The following ARHGEF3 variants were observed in gnomAD, a reference collection of about 807,000 sequenced individuals.
ARHGEF3 encodes the protein Rho guanine nucleotide exchange factor 3.
ARHGEF3 carries 28 observed loss-of-function variants against 63.2 expected under a neutral mutation model. That is an observed-to-expected ratio of 0.44 (90% confidence interval 0.33 to 0.61). The LOEUF (loss-of-function observed/expected upper bound fraction) is 0.61. Ranked by LOEUF, ARHGEF3 falls within the 20% of genes least tolerant of loss-of-function variation. The pLI is 0.03. For missense variants in ARHGEF3, 533 were observed against 659.3 expected (o/e 0.81, Z 2.10); for synonymous variants, 266 against 254.2 (o/e 1.05, Z -0.44).
At chr3:57,036,294 CA>C (rs1190373683) in intron 1 of ARHGEF3, among the ~76,000 whole-genome samples, 1 of 152,112 alleles carries the variant, frequency 6.6e-6, no homozygotes, top group Non-Finnish European at 1.5e-5. Flanking sequence ...TTTCATGTCA[CA>C]AAATGACCAC....
intron 3 of ARHGEF3, among the ~76,000 whole-genome samples, chr3:56,895,715 G>A (rs1168108364): frequency 2.0e-5 from 3 of 151,958 alleles, no homozygotes; most frequent in South Asian, 2.1e-4. Context: ...CACCTGCCTC[G>A]GCCTCCCAAA....
chr3:56,932,735 C>T (rs2081761032), intron 3 of ARHGEF3, among the ~76,000 whole-genome samples: 1 of 152,096 alleles, frequency 6.6e-6, no homozygotes, highest in Admixed American at 6.5e-5. Flanking sequence ...GAAAGATGAC[C>T]AAGTAACACT....
intron 4 of ARHGEF3, among the ~76,000 whole-genome samples, chr3:56,832,300 C>T (rs1445420847): frequency 6.6e-6 from 1 of 152,204 alleles, no homozygotes; most frequent in African/African-American, 2.4e-5. Flanking sequence ...AACAACTCAA[C>T]ATTTTGTTAA....
In ARHGEF3 at chr3:57,057,790, C is replaced by T. The variant is rs144473145; in HGVS notation, c.-28+21436G>A. Among the ~76,000 whole-genome samples, 29 of 152,248 alleles carry T rather than the reference C, an allele frequency of 1.9e-4. No homozygotes were observed. The East Asian group carries it at 5.6e-3, about 29-fold the overall frequency. ...ACTCCAGCCATCGTATCACTTGATA[C>T]ATACTTGAGTGATATAGAGTAAGTG... On this transcript the variant is annotated intron_variant, in intron 1 of 12. Coordinates refer to the ARHGEF3 transcript ENST00000338458.
chr3:56,985,522 C>T (rs753426596), intron 2 of ARHGEF3, among the ~76,000 whole-genome samples: 5 of 152,232 alleles, frequency 3.3e-5, no homozygotes, highest in South Asian at 4.1e-4. Context: ...ATTCATTCGC[C>T]GCCTCCACCC....
At position 56,728,198 on chromosome 3, in the gene ARHGEF3, C is replaced by T. The variant is rs1195381966; in HGVS notation, c.*1072G>A. The T allele has an allele frequency of 6.6e-6, 1 of 152,616 alleles. No homozygotes were observed. The highest frequency in any genetic ancestry group is 1.5e-5 in the Non-Finnish European group (1 of 68,044). The allele number at this position is 152,616 out of a possible 1,614,324, so 9.5% of individuals were successfully genotyped here. On this transcript the variant is annotated 3_prime_UTR_variant, in exon 10 of 10. Coordinates refer to ENST00000296315, the MANE Select transcript of ARHGEF3 (RefSeq NM_019555.3). ...CATAATTACAATTCTGATTATAGCA[C>T]AGAACCAGAGATGGCAAATTGACGA...
chr3:57,035,307 C>T, intron 1 of ARHGEF3: 1 of 475,090 alleles, frequency 2.1e-6, no homozygotes, highest in Non-Finnish European at 3.6e-6. Context: ...TCCAATATTT[C>T]CTTCTTCCAT....
chr3:56,997,434 A>T (rs968361894), intron 2 of ARHGEF3, among the ~76,000 whole-genome samples: 1 of 152,096 alleles, frequency 6.6e-6, no homozygotes, highest in Non-Finnish European at 1.5e-5. Context: ...AGGGGCTGGT[A>T]TCAAGAGGAA....
rs144210605 is a variant in ARHGEF3, at chr3:56,941,684, T to C, written c.129+17139A>G. On this transcript the variant is annotated intron_variant, in intron 3 of 12. Coordinates refer to the ARHGEF3 transcript ENST00000338458. ...CACACTCTCTTTAAAAAATTCAGAC[T>C]TTATAAAAAATATGTAACTAACACA... 2.1e-3 allele frequency among the ~76,000 whole-genome samples: 318 copies of C among 152,332 alleles called. 5 individuals carry two copies. Among genetic ancestry groups the C allele is most frequent in the East Asian group, 0.016 (81 of 5,190 alleles).
intron 1 of ARHGEF3, chr3:56,775,695 G>T: frequency 1.0e-6 from 1 of 985,652 alleles, no homozygotes; most frequent in Non-Finnish European, 1.2e-6. Context: ...TCCCTGTCCA[G>T]TGCCAGGCTC....
At chr3:57,004,051 A>T (rs1191631714) in intron 2 of ARHGEF3, among the ~76,000 whole-genome samples, 1 of 152,210 alleles carries the variant, frequency 6.6e-6, no homozygotes, top group Non-Finnish European at 1.5e-5. Flanking sequence ...CTTGCCCTCA[A>T]GGAGCTCATT....
At chr3:56,862,846 T>A (rs2040125169) in intron 4 of ARHGEF3, among the ~76,000 whole-genome samples, 1 of 152,210 alleles carries the variant, frequency 6.6e-6, no homozygotes, top group Admixed American at 6.5e-5. Context: ...CTTTTTCCAC[T>A]TCATTTAGGC....
chr3:57,066,203 C>T (rs866359333), intron 1 of ARHGEF3, among the ~76,000 whole-genome samples: 5 of 152,078 alleles, frequency 3.3e-5, no homozygotes, highest in South Asian at 4.2e-4. Flanking sequence ...GAATTCTTTC[C>T]GAAATGTTCT....
intron 3 of ARHGEF3, among the ~76,000 whole-genome samples, chr3:56,941,578 G>A (rs1368808885): frequency 6.6e-6 from 1 of 152,158 alleles, no homozygotes; most frequent in Admixed American, 6.5e-5. Context: ...GCCTCCTGTT[G>A]CTTGTGGAAG....
intron 4 of ARHGEF3, among the ~76,000 whole-genome samples, chr3:56,862,100 C>T (rs535185377): frequency 6.6e-6 from 1 of 152,218 alleles, no homozygotes; most frequent in South Asian, 2.1e-4. Context: ...GAGTAAGCCC[C>T]TGACCCTCCC....
At chr3:56,798,507 T>C (rs945946569) in intron 1 of ARHGEF3, among the ~76,000 whole-genome samples, 2 of 151,498 alleles carry the variant, frequency 1.3e-5, no homozygotes, top group African/African-American at 2.4e-5. Flanking sequence ...GTGTGCACCT[T>C]ACCTGAGCTT....
chr3:56,839,372 A>C (rs570609329), intron 4 of ARHGEF3, among the ~76,000 whole-genome samples: 9 of 151,700 alleles, frequency 5.9e-5, no homozygotes, highest in African/African-American at 1.9e-4. Context: ...TTTATTTTAC[A>C]CTCCAGGTAA....
chr3:56,742,289 T>C (rs2034087848), intron 7 of ARHGEF3, among the ~76,000 whole-genome samples: 1 of 152,152 alleles, frequency 6.6e-6, no homozygotes, highest in Non-Finnish European at 1.5e-5. Context: ...ACAACCAAGT[T>C]CTCTGGAATA....
At chr3:56,883,920 A>G (rs1295876291) in intron 3 of ARHGEF3, among the ~76,000 whole-genome samples, 4 of 152,156 alleles carry the variant, frequency 2.6e-5, no homozygotes. Flanking sequence ...TCTTTTTTAT[A>G]TTACTATAGT....
Sources: allele counts gnomAD v4.1 joint callset (sites outside exome capture counted in the v4.1 genomes callset), GRCh38; gene constraint gnomAD v4.1.1; transcripts MANE v1.5; gene names NCBI Gene and HGNC (gene_info 2026-07-23, HGNC 2026-07-21).